CSGALNACT1: variants seen among roughly 807,000 people sequenced by gnomAD.
CSGALNACT1 encodes chondroitin sulfate N-acetylgalactosaminyltransferase 1.
A neutral mutation model predicts 51.0 loss-of-function variants in CSGALNACT1; 52 were observed. That is an observed-to-expected ratio of 1.02 (90% CI 0.82 to 1.29). CSGALNACT1 has a LOEUF of 1.29. Ranked by LOEUF, CSGALNACT1 falls within the 50% of genes most tolerant of loss-of-function variation. The pLI is 0.00. For synonymous variants in CSGALNACT1, 341 were observed against 254.4 expected, an observed-to-expected ratio of 1.34 and a Z score of -3.24; for missense variants, 935 against 679.2, an observed-to-expected ratio of 1.38 and a Z score of -4.19.
At chr8:19,685,937 A>G (rs185878321), upstream of CSGALNACT1, among the ~76,000 whole-genome samples, 112 of 152,182 alleles carry the variant, frequency 7.4e-4, no homozygotes, top group Middle Eastern at 3.2e-3. Context: ...GATCACTTGT[A>G]AAACTTGGGT....
chr8:19,684,539 A>G (rs920937778), upstream of CSGALNACT1, among the ~76,000 whole-genome samples: 2 of 152,098 alleles, frequency 1.3e-5, no homozygotes, highest in Non-Finnish European at 2.9e-5. Flanking sequence ...TCTCAGTTCC[A>G]AAGAGAAAAA....
chr8:19,627,663 C>T (rs1468945292), intron 1 of CSGALNACT1, among the ~76,000 whole-genome samples: 5 of 152,054 alleles, frequency 3.3e-5, no homozygotes, highest in East Asian at 1.9e-4. Context: ...TCTCGAAAAA[C>T]GTAATAAAAA....
At chr8:19,704,814 A>G (rs1018215846) in intron 1 of CSGALNACT1, among the ~76,000 whole-genome samples, 10 of 152,224 alleles carry the variant, frequency 6.6e-5, no homozygotes, top group African/African-American at 2.2e-4. Context: ...AACCTGGAGG[A>G]CATTATGCTA....
intron 1 of CSGALNACT1, among the ~76,000 whole-genome samples, chr8:19,747,812 A>G (rs902344265): frequency 1.4e-5 from 2 of 145,704 alleles, no homozygotes; most frequent in African/African-American, 5.0e-5. Context: ...CTGGAGGAGA[A>G]GTAAAAAAAA....
chr8:19,428,380 C>G (rs1423346698), intron 6 of CSGALNACT1, among the ~76,000 whole-genome samples: 1 of 152,122 alleles, frequency 6.6e-6, no homozygotes, highest in East Asian at 1.9e-4. Flanking sequence ...TACGTGGCGG[C>G]AGGTGAGGGA....
intron 5 of CSGALNACT1, among the ~76,000 whole-genome samples, chr8:19,443,605 T>C (rs1265383949): frequency 6.6e-6 from 1 of 152,190 alleles, no homozygotes; most frequent in African/African-American, 2.4e-5. Flanking sequence ...CATCAGATCT[T>C]GTGAGACTTA....
At chr8:19,524,797 G>T (rs1359160558) in intron 3 of CSGALNACT1, among the ~76,000 whole-genome samples, 1 of 152,058 alleles carries the variant, frequency 6.6e-6, no homozygotes, top group Admixed American at 6.6e-5. Flanking sequence ...CAGCTTCCCC[G>T]CTCAATGACA....
chr8:19,519,095 A>G lies in CSGALNACT1; in HGVS notation c.-296-12965T>C, dbSNP rs150731363. Among the ~76,000 whole-genome samples the G allele has an allele frequency of 4.3e-3, 660 of 152,298 alleles. 5 individuals carry two copies. Among genetic ancestry groups the G allele is most frequent in the African/African-American group, 0.015 (612 of 41,558 alleles). On this transcript the variant is annotated intron_variant, in intron 3 of 9. Coordinates refer to ENST00000454498, the Ensembl canonical transcript of CSGALNACT1. The stretch of plus-strand genomic sequence containing the variant: ...ATTCTTTAGACACAGCTCTCCAAGA[A>G]CAAACATTATGGAAAGCCCAATTCA...
intron 1 of CSGALNACT1, among the ~76,000 whole-genome samples, chr8:19,750,773 A>G (rs1421187313): frequency 6.6e-6 from 1 of 152,144 alleles, no homozygotes; most frequent in African/African-American, 2.4e-5. Flanking sequence ...CCTTCATAGA[A>G]CAGGTGCATA....
chr8:19,480,825 C>T (rs956249488), intron 4 of CSGALNACT1, among the ~76,000 whole-genome samples: 1 of 152,158 alleles, frequency 6.6e-6, no homozygotes, highest in Non-Finnish European at 1.5e-5. Flanking sequence ...AGAAGCCACA[C>T]CAACAACACT....
At chr8:19,609,898 T>TG (rs2051960549) in intron 1 of CSGALNACT1, among the ~76,000 whole-genome samples, 1 of 152,104 alleles carries the variant, frequency 6.6e-6, no homozygotes, top group Admixed American at 6.5e-5. Context: ...AAGGACGTGC[T>TG]GGGACGGGAG....
Position 19,666,800 on chromosome 8 carries a change from A to AAAGG in CSGALNACT1, c.-544+15672_-544+15673insCCTT, listed in dbSNP as rs2059237455. On this transcript the variant is annotated intron_variant, in intron 1 of 9. Transcript: ENST00000332246. ...GAAAGAAAGAAAGAAAGAAAGAAAG[A>AAAGG]AAGAAAGAAAGAGAGAGAGAGAGAG... Among the ~76,000 whole-genome samples, 2 of 22,298 alleles carry AAAGG rather than the reference A, an allele frequency of 9.0e-5. 1 individual carries two copies. Among genetic ancestry groups the AAAGG allele is most frequent in the African/African-American group, 6.5e-4 (2 of 3,070 alleles). The allele number at this position is 22,298 out of a possible 152,430, so 14.6% of individuals were successfully genotyped here. A position where few individuals can be genotyped will look rare whatever the true frequency, so the allele number is the denominator to read the frequency against.
chr8:19,440,941 C>T (rs1011385790), intron 5 of CSGALNACT1, among the ~76,000 whole-genome samples: 1 of 152,004 alleles, frequency 6.6e-6, no homozygotes, highest in African/African-American at 2.4e-5. Flanking sequence ...AACAGAGAGC[C>T]CAATCATGAG....
intron 1 of CSGALNACT1, among the ~76,000 whole-genome samples, chr8:19,703,905 CA>C (rs1187245959): frequency 6.6e-6 from 1 of 152,164 alleles, no homozygotes; most frequent in East Asian, 1.9e-4. Flanking sequence ...ACGCAGCTCT[CA>C]GGAGCCTCTT....
At chr8:19,549,221 C>T (rs2087279093) in intron 3 of CSGALNACT1, among the ~76,000 whole-genome samples, 1 of 151,994 alleles carries the variant, frequency 6.6e-6, no homozygotes, top group Non-Finnish European at 1.5e-5. Flanking sequence ...CCTCTCCCCT[C>T]GAAAATCCAA....
intron 6 of CSGALNACT1, among the ~76,000 whole-genome samples, chr8:19,429,905 T>A (rs1458916544): frequency 6.6e-6 from 1 of 152,250 alleles, no homozygotes; most frequent in East Asian, 1.9e-4. Flanking sequence ...GACTTGTGGA[T>A]TACAGCCATC....
chr8:19,732,581 TG>T lies in CSGALNACT1; in HGVS notation c.-297+25268del, dbSNP rs1465612778. ...CAGCACAGCACCTGGCACATGGTAG[TG>T]GCTCGATGAGTATGTGTTAAAAAAA... On this transcript the variant is annotated intron_variant, in intron 1 of 1. Coordinates refer to the CSGALNACT1 transcript ENST00000517494. 15 of 152,342 alleles carry T rather than the reference TG, an allele frequency of 9.8e-5. No individual in the cohort carries two copies. The East Asian group carries it at 2.5e-3, about 25-fold the overall frequency. 9.4% of individuals were successfully genotyped at this position (152,342 alleles called of 1,614,324 possible). A position where few individuals can be genotyped will look rare whatever the true frequency, so the allele number is the denominator to read the frequency against.
chr8:19,563,337 T>G (rs746829788), intron 3 of CSGALNACT1, among the ~76,000 whole-genome samples: 61 of 152,224 alleles, frequency 4.0e-4, no homozygotes, highest in Middle Eastern at 3.4e-3. Flanking sequence ...GGATTAATAC[T>G]TAGGTGATGG....
intron 4 of CSGALNACT1, among the ~76,000 whole-genome samples, chr8:19,472,954 AATAACT>A (rs2153875051): frequency 6.6e-6 from 1 of 152,320 alleles, no homozygotes; most frequent in Non-Finnish European, 1.5e-5. Context: ...TGATGTTAGA[AATAACT>A]ATAATAATTG....
Sources: gnomAD v4.1 joint callset for allele counts (sites outside exome capture counted in the v4.1 genomes callset) on GRCh38, gnomAD v4.1.1 for gene constraint, MANE v1.5 for transcripts, NCBI Gene and HGNC (gene_info 2026-07-23, HGNC 2026-07-21) for gene names.